KIAA1586: variants seen among roughly 807,000 people sequenced by gnomAD.
KIAA1586 encodes the protein KIAA1586.
A neutral mutation model predicts 6.1 loss-of-function variants in KIAA1586; 5 were observed. The observed-to-expected ratio is 0.82, with a 90% CI of 0.43 to 1.73. The LOEUF (loss-of-function observed/expected upper bound fraction) is 1.73. Ranked by LOEUF, KIAA1586 falls within the 40% of genes most tolerant of loss-of-function variation. The probability of loss-of-function intolerance (pLI) is 0.02; values close to 1 mark genes in which losing one functional copy is unlikely to be tolerated. For synonymous variants in KIAA1586, 280 were observed against 301.7 expected, an observed-to-expected ratio of 0.93 and a Z score of 0.75; for missense variants, 899 against 878.2, an observed-to-expected ratio of 1.02 and a Z score of -0.30.
At chr6:57,056,190 A>G (rs1828494888), downstream of KIAA1586, among the ~76,000 whole-genome samples, 1 of 151,512 alleles carries the variant, frequency 6.6e-6, no homozygotes, top group African/African-American at 2.4e-5. Flanking sequence ...CTAGGATTAC[A>G]GGAGTGTGCC....
chr6:57,059,865 G>A (rs927150008), downstream of KIAA1586, among the ~76,000 whole-genome samples: 2 of 152,106 alleles, frequency 1.3e-5, no homozygotes, highest in African/African-American at 4.8e-5. Flanking sequence ...AAACTAGAAA[G>A]GTAGAAGATA....
rs756062771 is a variant in KIAA1586, at chr6:57,053,434, C to G, written c.935C>G (p.Ala312Gly). ...TTTAAGAATATTATAGAAGAGAATG[C>G]CAAAATCTGTATCATAATTGATGAG... ...KIFKNIIEENAKICIIIDEAS... is the reference protein window; with the variant it reads ...KIFKNIIEENGKICIIIDEAS... The change falls in exon 4 of 4, where the codon GCC (alanine) becomes GGC (glycine). Residue 312 changes from alanine to glycine, a missense_variant. Transcript: ENST00000370733. The G allele has an allele frequency of 2.5e-6, 4 of 1,609,644 alleles. No individual in the cohort carries two copies. Among genetic ancestry groups the G allele is most frequent in the Non-Finnish European group, 3.4e-6 (4 of 1,177,828 alleles).
chr6:57,061,730 G>T, the KIAA1586 span, among the ~76,000 whole-genome samples: 1 of 151,804 alleles, frequency 6.6e-6, no homozygotes. Context: ...ATTGAATTTG[G>T]CACACTAAGA....
At chr6:57,063,897 T>A in the KIAA1586 span, among the ~76,000 whole-genome samples, 3 of 152,140 alleles carry the variant, frequency 2.0e-5, no homozygotes, top group Non-Finnish European at 2.9e-5. Context: ...TTAAAAAAAA[T>A]TGCTTTTTAA....
downstream of KIAA1586, among the ~76,000 whole-genome samples, chr6:57,056,962 C>T (rs1186868912): frequency 6.6e-6 from 1 of 152,012 alleles, no homozygotes; most frequent in Non-Finnish European, 1.5e-5. Flanking sequence ...GGTGCTGTGG[C>T]TCATGCCTGT....
In KIAA1586 at chr6:57,053,005, A is replaced by G; in HGVS notation, c.506A>G (p.His169Arg). ...TGTAAGGATTGTTCAGCAGTTCGGC[A>G]TTTGGGATCGAAAGCAGAAAAGCAT... ...LGCKDCSAVR[H>R]LGSKAEKHVH... Residue 169 changes from histidine (H) to arginine (R), a missense_variant, in exon 4 of 4, where the codon CAT (histidine) becomes CGT (arginine). Transcript: ENST00000370733. The G allele has an allele frequency of 1.2e-6, 2 of 1,613,964 alleles. No homozygotes were observed. The highest frequency in any genetic ancestry group is 1.7e-6 in the Non-Finnish European group (2 of 1,179,916).
chr6:57,050,635 T>C, intron 2 of KIAA1586, 139 bp from the exon 3 acceptor site: 1 of 627,144 alleles, frequency 1.6e-6, no homozygotes, highest in East Asian at 2.9e-5. Context: ...GTTTTGTTTC[T>C]AATTATTCTG....
the KIAA1586 span, among the ~76,000 whole-genome samples, chr6:57,065,472 G>A: frequency 6.6e-6 from 1 of 151,428 alleles, no homozygotes; most frequent in African/African-American, 2.4e-5. Context: ...GATGAAAATG[G>A]CTGTTGTGTT....
At chr6:57,048,435 T>TCA (rs1295530501) in intron 2 of KIAA1586, among the ~76,000 whole-genome samples, 1 of 152,218 alleles carries the variant, frequency 6.6e-6, no homozygotes, top group Non-Finnish European at 1.5e-5. Context: ...GTGTATAAGT[T>TCA]CTTTACCCTG....
rs570836745 is a variant in KIAA1586, at chr6:57,052,755, A to C, written c.256A>C (p.Thr86Pro). 4.2e-5 allele frequency: 67 copies of C among 1,608,332 alleles called. No homozygotes were observed. In the Middle Eastern group the frequency reaches 5.0e-4, roughly 12 times the overall value. The change falls in exon 4 of 4, where the codon ACA becomes CCA. Residue 86 changes from threonine to proline, a missense_variant. Physicochemically the swap from Thr to Pro is conservative, Grantham distance 38. Coordinates refer to ENST00000370733, the MANE Select transcript of KIAA1586 (RefSeq NM_020931.4). ...LHFLNVKKVK[T>P]DTENNEVSKN... ...TTTTTTAAATGTGAAGAAGGTGAAA[A>C]CAGACACAGAAAATAATGAAGTGAG...
At chr6:57,048,832 T>C (rs549454332) in intron 2 of KIAA1586, among the ~76,000 whole-genome samples, 101 of 152,318 alleles carry the variant, frequency 6.6e-4, no homozygotes, top group Non-Finnish European at 8.1e-4. Context: ...TCATGATCCA[T>C]GTGCCGTTGA....
chr6:57,053,452 T>C lies in KIAA1586; in HGVS notation c.953T>C (p.Ile318Thr). Reference protein sequence around the residue: ...IEENAKICIIIDEASTVSKKT... With the variant: ...IEENAKICIITDEASTVSKKT... Reference sequence around the variant, plus strand: ...GAGAATGCCAAAATCTGTATCATAATTGATGAGGCATCTACAGTTTCAAAG... The same window carrying C: ...GAGAATGCCAAAATCTGTATCATAACTGATGAGGCATCTACAGTTTCAAAG... The change falls in exon 4 of 4, where the codon ATT becomes ACT. Residue 318 changes from isoleucine (I) to threonine (T), a missense_variant. Transcript: ENST00000370733. 1 of 1,611,728 alleles carries C rather than the reference T, an allele frequency of 6.2e-7. No individual in the cohort carries two copies. Among genetic ancestry groups the C allele is most frequent in the Non-Finnish European group, 8.5e-7 (1 of 1,178,884 alleles).
the KIAA1586 span, among the ~76,000 whole-genome samples, chr6:57,062,071 A>G: frequency 1.3e-5 from 2 of 151,884 alleles, no homozygotes; most frequent in Non-Finnish European, 2.9e-5. Context: ...AGCTAGAACC[A>G]TAGGCACGTG....
intron 2 of KIAA1586, among the ~76,000 whole-genome samples, chr6:57,048,146 A>G (rs759455044): frequency 8.6e-5 from 13 of 151,546 alleles, no homozygotes; most frequent in African/African-American, 2.7e-4. Flanking sequence ...ATTTTCATCC[A>G]TAATTGTTGG....
chr6:57,054,690 T>A lies in KIAA1586; in HGVS notation c.2191T>A (p.Ser731Thr), dbSNP rs1477749613. The A allele has an allele frequency of 7.1e-6, 11 of 1,552,864 alleles. No homozygotes were observed. The highest frequency in any genetic ancestry group is 9.6e-6 in the Non-Finnish European group (11 of 1,147,316). The change falls in exon 4 of 4, where the codon TCA becomes ACA. Residue 731 changes from serine to threonine, a missense_variant. Ser to Thr is a moderately conservative substitution (Grantham distance 58). Transcript: ENST00000370733. ...VRNSLTIDHVSDLMTINLLGK... is the reference protein window; with the variant it reads ...VRNSLTIDHVTDLMTINLLGK... ...AAATAGTTTAACAATAGATCATGTA[T>A]CAGATTTAATGACAATAAATTTACT...
chr6:57,056,398 G>A (rs532672927), downstream of KIAA1586, among the ~76,000 whole-genome samples: 10 of 151,418 alleles, frequency 6.6e-5, no homozygotes, highest in African/African-American at 9.7e-5. Context: ...TTATAGAGAC[G>A]GGGTTCCACC....
intron 3 of KIAA1586, among the ~76,000 whole-genome samples, chr6:57,052,423 A>C (rs1828353005): frequency 6.6e-6 from 1 of 152,314 alleles, no homozygotes; most frequent in African/African-American, 2.4e-5. Context: ...TTTGCGAAAC[A>C]TATGACCAAC....
downstream of KIAA1586, among the ~76,000 whole-genome samples, chr6:57,058,109 A>G (rs1250062036): frequency 1.3e-5 from 2 of 152,068 alleles, no homozygotes; most frequent in Non-Finnish European, 2.9e-5. Context: ...CAGCTTTTAA[A>G]ATCTCTGCGT....
downstream of KIAA1586, among the ~76,000 whole-genome samples, chr6:57,056,555 T>C (rs371074027): frequency 7.8e-4 from 118 of 151,580 alleles, 1 homozygote; most frequent in African/African-American, 2.8e-3. Flanking sequence ...TTTTTTTTTT[T>C]TGGATGGGAG....
Sources: allele counts gnomAD v4.1 joint callset (sites outside exome capture counted in the v4.1 genomes callset), GRCh38; gene constraint gnomAD v4.1.1; transcripts MANE v1.5; gene names NCBI Gene and HGNC (gene_info 2026-07-23, HGNC 2026-07-21).